KCNG3: variants seen among roughly 807,000 people sequenced by gnomAD.
KCNG3 encodes the protein voltage-gated potassium channel regulatory subunit KCNG3.
KCNG3 carries 15 observed loss-of-function variants against 29.0 expected under a neutral mutation model. That is an observed-to-expected ratio of 0.52 (90% CI 0.35 to 0.80). KCNG3 has a LOEUF of 0.80. KCNG3 is among the 30% of genes least tolerant of loss of function. KCNG3 has a pLI of 0.01. For synonymous variants in KCNG3, 322 were observed against 248.9 expected, an observed-to-expected ratio of 1.29 and a Z score of -2.76; for missense variants, 512 against 605.7, an observed-to-expected ratio of 0.85 and a Z score of 1.62.
At chr2:42,401,964 C>G in the KCNG3 span, among the ~76,000 whole-genome samples, 2 of 152,158 alleles carry the variant, frequency 1.3e-5, no homozygotes, top group Admixed American at 1.3e-4. Context: ...GTCAACATGG[C>G]TGGGCTACGG....
chr2:42,398,898 C>T, the KCNG3 span, among the ~76,000 whole-genome samples: 1 of 152,188 alleles, frequency 6.6e-6, no homozygotes, highest in Non-Finnish European at 1.5e-5. Context: ...GTGCCTCAAC[C>T]ACTGGGAGCT....
the KCNG3 span, among the ~76,000 whole-genome samples, chr2:42,389,390 T>C: frequency 6.6e-6 from 1 of 152,218 alleles, no homozygotes; most frequent in Non-Finnish European, 1.5e-5. Context: ...TCTTACCAAC[T>C]TTACTCAGAG....
At chr2:42,425,605 G>C in the KCNG3 span, among the ~76,000 whole-genome samples, 2 of 151,898 alleles carry the variant, frequency 1.3e-5, no homozygotes, top group Non-Finnish European at 2.9e-5. Flanking sequence ...GCATTTAGAA[G>C]GTATAATTTC....
At chr2:42,490,800 AATG>A (rs1261402655) in intron 1 of KCNG3, among the ~76,000 whole-genome samples, 1 of 152,210 alleles carries the variant, frequency 6.6e-6, no homozygotes, top group African/African-American at 2.4e-5. Flanking sequence ...AAATAATGAG[AATG>A]ATGTTTTAGA....
chr2:42,398,759 A>G, the KCNG3 span, among the ~76,000 whole-genome samples: 1 of 152,184 alleles, frequency 6.6e-6, no homozygotes, highest in South Asian at 2.1e-4. Context: ...TTGGGAACTC[A>G]GGGATAAGAG....
At chr2:42,398,739 C>G in the KCNG3 span, among the ~76,000 whole-genome samples, 2 of 152,108 alleles carry the variant, frequency 1.3e-5, no homozygotes, top group Non-Finnish European at 2.9e-5. Flanking sequence ...GGACAGGAGC[C>G]GGGCTCATTT....
At chr2:42,447,764 T>C (rs1349515117) in intron 1 of KCNG3, among the ~76,000 whole-genome samples, 1 of 152,102 alleles carries the variant, frequency 6.6e-6, no homozygotes, top group African/African-American at 2.4e-5. Context: ...CTCGAACTCC[T>C]GGGCTCAAGC....
chr2:42,435,579 A>C, the KCNG3 span, among the ~76,000 whole-genome samples: 1 of 152,222 alleles, frequency 6.6e-6, no homozygotes, highest in African/African-American at 2.4e-5. Context: ...AACTTTTTTA[A>C]AAAACCTATT....
At chr2:42,403,619 TTC>T in the KCNG3 span, among the ~76,000 whole-genome samples, 1 of 136,598 alleles carries the variant, frequency 7.3e-6, no homozygotes, top group African/African-American at 3.0e-5. Context: ...TGACTTTTTT[TTC>T]TTTTTTTTTT....
rs1029970990 is a variant in KCNG3 at position 42,493,971 on chromosome 2, G to T, written c.-470C>A. ...GGCCGCCCCGCCGCCGTCCAGAGGC[G>T]AGAGGCAAAGTGAGCGGGTTCGGAG... On this transcript the variant is annotated 5_prime_UTR_variant, in exon 1 of 2. Transcript: ENST00000306078. 2 of 153,552 alleles carry T rather than the reference G, an allele frequency of 1.3e-5. No individual in the cohort carries two copies. Among genetic ancestry groups the T allele is most frequent in the Admixed American group, 1.3e-4 (2 of 15,270 alleles). 9.5% of individuals were successfully genotyped at this position (153,552 alleles called of 1,614,324 possible). A position where few individuals can be genotyped will look rare whatever the true frequency, so the allele number is the denominator to read the frequency against.
the KCNG3 span, among the ~76,000 whole-genome samples, chr2:42,403,058 T>C: frequency 6.6e-6 from 1 of 152,250 alleles, no homozygotes; most frequent in Non-Finnish European, 1.5e-5. Flanking sequence ...TGTATTTTTA[T>C]AGGTTTTAAA....
intron 1 of KCNG3, among the ~76,000 whole-genome samples, chr2:42,478,098 C>G (rs965821157): frequency 2.0e-5 from 3 of 152,100 alleles, no homozygotes; most frequent in African/African-American, 7.2e-5. Context: ...AAGTTGAGGA[C>G]TTGGAAACTG....
At chr2:42,452,796 T>TGTG (rs70963315) in intron 1 of KCNG3, among the ~76,000 whole-genome samples, 2 of 151,210 alleles carry the variant, frequency 1.3e-5, no homozygotes, top group African/African-American at 4.9e-5. Flanking sequence ...TGTGTGTGTG[T>TGTG]TTTGAGATGA....
the KCNG3 span, among the ~76,000 whole-genome samples, chr2:42,392,852 G>A: frequency 3.9e-5 from 6 of 152,004 alleles, 1 homozygote; most frequent in Admixed American, 2.6e-4. Flanking sequence ...ATACAACAAC[G>A]TGAGTTTCAA....
At chr2:42,406,642 T>A in the KCNG3 span, among the ~76,000 whole-genome samples, 2 of 150,996 alleles carry the variant, frequency 1.3e-5, no homozygotes, top group Admixed American at 1.3e-4. Context: ...CTGACCAATA[T>A]GGTGAAACCC....
the KCNG3 span, among the ~76,000 whole-genome samples, chr2:42,394,581 C>G: frequency 6.6e-6 from 1 of 152,138 alleles, no homozygotes; most frequent in Non-Finnish European, 1.5e-5. Flanking sequence ...GGAACTGCTC[C>G]CATTCTATTC....
At chr2:42,402,010 G>T in the KCNG3 span, among the ~76,000 whole-genome samples, 17 of 152,332 alleles carry the variant, frequency 1.1e-4, no homozygotes, top group African/African-American at 4.1e-4. Flanking sequence ...TATTTTTGAG[G>T]GTGTTTATGG....
chr2:42,430,706 A>G, the KCNG3 span, among the ~76,000 whole-genome samples: 2 of 152,214 alleles, frequency 1.3e-5, no homozygotes, highest in African/African-American at 4.8e-5. Flanking sequence ...ACAATGAGAC[A>G]TCATGCTGCT....
At chr2:42,408,133 C>G in the KCNG3 span, among the ~76,000 whole-genome samples, 8 of 152,294 alleles carry the variant, frequency 5.3e-5, no homozygotes, top group Admixed American at 3.9e-4. Context: ...GGTGGGAAGC[C>G]AAGTGGGGGC....
Sources: allele counts gnomAD v4.1 joint callset (sites outside exome capture counted in the v4.1 genomes callset), GRCh38; gene constraint gnomAD v4.1.1; transcripts MANE v1.5; gene names NCBI Gene and HGNC (gene_info 2026-07-23, HGNC 2026-07-21).